CTNNA3: variants seen among roughly 807,000 people sequenced by gnomAD.
CTNNA3 encodes catenin alpha-3.
A neutral mutation model predicts 95.7 loss-of-function variants in CTNNA3; 76 were observed. That is an observed-to-expected ratio of 0.79 (90% CI 0.66 to 0.96). The LOEUF is 0.96. Ranked by LOEUF, CTNNA3 falls within the 40% of genes least tolerant of loss-of-function variation. CTNNA3 has a pLI of 0.00. For missense variants in CTNNA3, 1,191 were observed against 1,089.8 expected (o/e 1.09, Z -1.31); for synonymous variants, 431 against 374.4 (o/e 1.15, Z -1.74).
At chr10:66,624,770 A>G (rs972774965) in intron 9 of CTNNA3, among the ~76,000 whole-genome samples, 3 of 152,184 alleles carry the variant, frequency 2.0e-5, no homozygotes, top group Non-Finnish European at 2.9e-5. Flanking sequence ...ATAAGAAAAC[A>G]AAATTAAGCA....
Position 66,379,154 on chromosome 10 carries a change from G to A in CTNNA3, c.1730C>T (p.Thr577Ile), listed in dbSNP as rs776520592. The A allele has an allele frequency of 1.9e-6, 3 of 1,612,666 alleles. No homozygotes were observed. Among genetic ancestry groups the A allele is most frequent in the African/African-American group, 2.7e-5 (2 of 75,028 alleles). ...VMRNVNFLTS[T>I]VIPEFVTQVN... ...GCTGTTATTGGCAACTGACTTACCA[G>A]TACTTGTAAGGAAGTTAACATTTCT... Residue 577 changes from threonine to isoleucine, a missense_variant and splice_region_variant, in exon 12 of 18, where the codon ACT becomes ATT. Transcript: ENST00000433211.
At chr10:67,666,448 T>C (rs964314383) in intron 1 of CTNNA3, among the ~76,000 whole-genome samples, 27 of 152,166 alleles carry the variant, frequency 1.8e-4, no homozygotes, top group Non-Finnish European at 3.8e-4. Flanking sequence ...AATTTCACTT[T>C]AGAAAACATT....
chr10:67,180,047 C>T (rs996182644), intron 7 of CTNNA3, among the ~76,000 whole-genome samples: 1 of 152,014 alleles, frequency 6.6e-6, no homozygotes, highest in Non-Finnish European at 1.5e-5. Context: ...TTCTCCAATC[C>T]TGATTCCCTT....
At chr10:66,122,327 A>G (rs1482470014) in intron 13 of CTNNA3, among the ~76,000 whole-genome samples, 1 of 152,214 alleles carries the variant, frequency 6.6e-6, no homozygotes, top group African/African-American at 2.4e-5. Context: ...AAATTACTTA[A>G]TAAAGAGCAT....
At chr10:66,147,543 C>T (rs998814806) in intron 13 of CTNNA3, among the ~76,000 whole-genome samples, 17 of 149,932 alleles carry the variant, frequency 1.1e-4, no homozygotes, top group Non-Finnish European at 5.9e-5. Flanking sequence ...CTACATAATA[C>T]TCCATAGAAT....
At chr10:66,545,922 T>G (rs1842021905) in intron 10 of CTNNA3, among the ~76,000 whole-genome samples, 1 of 150,636 alleles carries the variant, frequency 6.6e-6, no homozygotes, top group South Asian at 2.1e-4. Context: ...GTATGTTTTA[T>G]CTACATAAAA....
At chr10:67,557,098 G>A (rs1477087088) in intron 3 of CTNNA3, among the ~76,000 whole-genome samples, 1 of 152,172 alleles carries the variant, frequency 6.6e-6, no homozygotes, top group Non-Finnish European at 1.5e-5. Flanking sequence ...CTTCTAGTTT[G>A]ATTGCACTGT....
intron 7 of CTNNA3, among the ~76,000 whole-genome samples, chr10:66,883,857 G>A (rs941796755): frequency 3.3e-5 from 5 of 152,058 alleles, no homozygotes; most frequent in East Asian, 1.9e-4. Flanking sequence ...TGTAAGATAT[G>A]GTGGTGTCTT....
At chr10:67,545,245 A>G (rs1484254113) in intron 3 of CTNNA3, among the ~76,000 whole-genome samples, 1 of 152,166 alleles carries the variant, frequency 6.6e-6, no homozygotes, top group African/African-American at 2.4e-5. Flanking sequence ...AACATCATAG[A>G]TAGGATATAG....
chr10:66,275,221 A>C (rs1344073052), intron 13 of CTNNA3, among the ~76,000 whole-genome samples: 1 of 152,066 alleles, frequency 6.6e-6, no homozygotes, highest in Non-Finnish European at 1.5e-5. Flanking sequence ...AGGTTCAAGC[A>C]ATTCTCCTGC....
chr10:66,199,765 CTATATATATATATATATATATATATA>C (rs59585958), intron 13 of CTNNA3, among the ~76,000 whole-genome samples: 2 of 30,716 alleles, frequency 6.5e-5, no homozygotes, highest in African/African-American at 1.8e-4. Context: ...CCACGCCTGG[CTATATATATATATATATATATATATA>C]TATATATATA....
At chr10:66,977,795 C>T (rs1318537034) in intron 7 of CTNNA3, among the ~76,000 whole-genome samples, 2 of 152,158 alleles carry the variant, frequency 1.3e-5, no homozygotes, top group Non-Finnish European at 2.9e-5. Flanking sequence ...GTCCATAATT[C>T]TGTACTTCCA....
chr10:66,748,411 C>T (rs1838975249), intron 9 of CTNNA3, among the ~76,000 whole-genome samples: 1 of 152,160 alleles, frequency 6.6e-6, no homozygotes, highest in South Asian at 2.1e-4. Context: ...TTGAGTGTGA[C>T]TGTCCTCTTG....
intron 7 of CTNNA3, among the ~76,000 whole-genome samples, chr10:66,967,913 C>A (rs1015827790): frequency 6.6e-6 from 1 of 152,030 alleles, no homozygotes; most frequent in Non-Finnish European, 1.5e-5. Flanking sequence ...GTAATAAAAT[C>A]TATGATTCAG....
chr10:67,161,745 G>T lies in CTNNA3; in HGVS notation c.1047+18572C>A, dbSNP rs529514865. Among the ~76,000 whole-genome samples the T allele has an allele frequency of 2.0e-5, 3 of 152,118 alleles. No individual in the cohort carries two copies. In the East Asian group the frequency reaches 5.8e-4, roughly 29 times the overall value. The stretch of plus-strand genomic sequence containing the variant: ...ACCAATTAAAAGACAGAGGTTAGCA[G>T]AACAGATTAAAGACCTAACTCAACT... On this transcript the variant is annotated intron_variant, in intron 7 of 17. Transcript: ENST00000433211.
chr10:66,554,801 A>C (rs2660026), intron 10 of CTNNA3, among the ~76,000 whole-genome samples: 140,130 of 151,912 alleles, frequency 0.92, 64,801 homozygotes, highest in East Asian at 0.98. Flanking sequence ...TTCTTTCTTC[A>C]TTGTTTCCTT....
intron 3 of CTNNA3, among the ~76,000 whole-genome samples, chr10:67,577,731 CT>C (rs1842218985): frequency 6.7e-6 from 1 of 148,936 alleles, no homozygotes; most frequent in African/African-American, 2.5e-5. Flanking sequence ...TGTATATATA[CT>C]ACATTTTCTT....
chr10:67,151,166 A>T (rs933545958), intron 7 of CTNNA3, among the ~76,000 whole-genome samples: 2 of 152,188 alleles, frequency 1.3e-5, no homozygotes, highest in African/African-American at 4.8e-5. Flanking sequence ...ATAAGGTGAG[A>T]AGAAAGGCCT....
chr10:66,798,272 T>C (rs984403150), intron 7 of CTNNA3, among the ~76,000 whole-genome samples: 4 of 151,840 alleles, frequency 2.6e-5, no homozygotes, highest in African/African-American at 9.7e-5. Context: ...TTGATAACAA[T>C]ATTATTACTA....
Sources: gnomAD v4.1 joint callset for allele counts (sites outside exome capture counted in the v4.1 genomes callset) on GRCh38, gnomAD v4.1.1 for gene constraint, MANE v1.5 for transcripts, NCBI Gene and HGNC (gene_info 2026-07-23, HGNC 2026-07-21) for gene names.